Variants in LARP1 observed in about 807,000 individuals in gnomAD.
LARP1 encodes the protein la-related protein 1.
A neutral mutation model predicts 122.7 loss-of-function variants in LARP1; 36 were observed. The observed-to-expected ratio is 0.29, with a 90% CI of 0.22 to 0.39. The LOEUF is 0.39. LARP1 is among the 10% of genes least tolerant of loss of function. LARP1 has a pLI of 1.00. For missense variants in LARP1, 1,040 were observed against 1,403.6 expected (o/e 0.74, Z 4.14); for synonymous variants, 539 against 528.7 (o/e 1.02, Z -0.27).
intron 1 of LARP1, among the ~76,000 whole-genome samples, chr5:154,747,514 C>T (rs1753259139): frequency 6.6e-6 from 1 of 151,638 alleles, no homozygotes; most frequent in Non-Finnish European, 1.5e-5. Flanking sequence ...GGAGACCAGC[C>T]TGACCAACAT....
Position 154,814,893 on chromosome 5 carries a change from A to G in LARP1, c.*797A>G, listed in dbSNP as rs1322877429. 5.9e-5 allele frequency: 9 copies of G among 151,788 alleles called. No individual in the cohort carries two copies. Among genetic ancestry groups the G allele is most frequent in the Non-Finnish European group, 1.2e-4 (8 of 67,948 alleles). 9.4% of individuals were successfully genotyped at this position (151,788 alleles called of 1,614,324 possible). On this transcript the variant is annotated 3_prime_UTR_variant, in exon 19 of 19. Coordinates refer to ENST00000518297, the MANE Select transcript of LARP1 (RefSeq NM_033551.3). ...AAGAAAAAAGACAAAATCGACCATAAAAGACCAAAAAAAAAAAAAAAATCA... is the reference window on the plus strand; with the variant it reads ...AAGAAAAAAGACAAAATCGACCATAGAAGACCAAAAAAAAAAAAAAAATCA...
chr5:154,706,371 G>A (rs1465908179), intron 1 of LARP1, among the ~76,000 whole-genome samples: 3 of 151,274 alleles, frequency 2.0e-5, no homozygotes, highest in African/African-American at 4.9e-5. Flanking sequence ...ATACTACACA[G>A]CCATACAAAA....
upstream of LARP1, among the ~76,000 whole-genome samples, chr5:154,754,247 T>C (rs942700801): frequency 1.3e-5 from 2 of 152,362 alleles, no homozygotes; most frequent in Middle Eastern, 3.4e-3. Flanking sequence ...TCCATGAGGA[T>C]AGGGACTTTG....
At chr5:154,797,964 G>A (rs1443672789) in intron 8 of LARP1, among the ~76,000 whole-genome samples, 3 of 152,190 alleles carry the variant, frequency 2.0e-5, no homozygotes, top group South Asian at 2.1e-4. Context: ...GATTACAGGC[G>A]TGAGCCATTG....
chr5:154,743,811 G>T (rs565564970), intron 1 of LARP1, among the ~76,000 whole-genome samples: 1 of 151,766 alleles, frequency 6.6e-6, no homozygotes, highest in African/African-American at 2.4e-5. Flanking sequence ...ATAGAGATGG[G>T]GTTTCACCAT....
intron 1 of LARP1, among the ~76,000 whole-genome samples, chr5:154,765,248 T>G (rs2113623872): frequency 6.6e-6 from 1 of 152,348 alleles, no homozygotes; most frequent in African/African-American, 2.4e-5. Flanking sequence ...GCTTTGGGTC[T>G]TATGTTCTGT....
rs549156456 is a variant in LARP1, at chr5:154,816,695, C to G, written c.*2599C>G. ...CAGGGGCCATCAGGGCTAACCACTT[C>G]ACACCTACCATCGTCCCATGGGGAT... is the stretch of plus-strand genomic sequence containing the variant. On this transcript the variant is annotated 3_prime_UTR_variant, in exon 19 of 19. Transcript: ENST00000518297. 6.6e-6 allele frequency: 1 copy of G among 152,602 alleles called. No individual in the cohort carries two copies. The highest frequency in any genetic ancestry group is 2.4e-5 in the African/African-American group (1 of 41,466). 9.5% of individuals were successfully genotyped at this position (152,602 alleles called of 1,614,324 possible). A position where few individuals can be genotyped will look rare whatever the true frequency, so the allele number is the denominator to read the frequency against.
chr5:154,714,806 C>T (rs1171726808), intron 1 of LARP1, among the ~76,000 whole-genome samples: 1 of 152,206 alleles, frequency 6.6e-6, no homozygotes, highest in Admixed American at 6.5e-5. Context: ...GAATAGGGAA[C>T]TCAGGCAGGT....
chr5:154,721,664 TCTG>T (rs1237337920), intron 1 of LARP1, among the ~76,000 whole-genome samples: 1 of 152,208 alleles, frequency 6.6e-6, no homozygotes, highest in East Asian at 1.9e-4. Flanking sequence ...ACATCCTAGT[TCTG>T]CTGCTAAGGT....
At chr5:154,754,128 A>G (rs1217997758), upstream of LARP1, among the ~76,000 whole-genome samples, 1 of 152,212 alleles carries the variant, frequency 6.6e-6, no homozygotes, top group African/African-American at 2.4e-5. Context: ...CCCAAACAAA[A>G]GTAGCCCATC....
At chr5:154,787,983 C>T (rs1278992027) in intron 1 of LARP1, among the ~76,000 whole-genome samples, 1 of 152,216 alleles carries the variant, frequency 6.6e-6, no homozygotes, top group Admixed American at 6.5e-5. Flanking sequence ...TTCAGGAATA[C>T]CTTGCCCTCT....
chr5:154,781,182 C>T (rs7731757), intron 1 of LARP1, among the ~76,000 whole-genome samples: 1,941 of 152,266 alleles, frequency 0.013, 45 homozygotes, highest in African/African-American at 0.045. Flanking sequence ...GTCAGGTGTG[C>T]GTGTAGTTGT....
At chr5:154,708,772 C>T (rs1456978052), upstream of LARP1, among the ~76,000 whole-genome samples, 1 of 152,058 alleles carries the variant, frequency 6.6e-6, no homozygotes, top group African/African-American at 2.4e-5. Context: ...CCACCACACC[C>T]AGCTAATTTT....
chr5:154,806,854 G>A (rs942099597), intron 15 of LARP1, among the ~76,000 whole-genome samples: 2 of 152,154 alleles, frequency 1.3e-5, no homozygotes, highest in Admixed American at 1.3e-4. Context: ...AGAATACAAT[G>A]TAATAGCTCT....
At chr5:154,716,334 T>C (rs1755505792) in intron 1 of LARP1, among the ~76,000 whole-genome samples, 1 of 152,174 alleles carries the variant, frequency 6.6e-6, no homozygotes. Context: ...TTGGCCAGGC[T>C]GGTCTCGAAT....
chr5:154,689,435 T>C (rs2113195266), intron 1 of LARP1, among the ~76,000 whole-genome samples: 2 of 149,810 alleles, frequency 1.3e-5, no homozygotes, highest in Non-Finnish European at 3.0e-5. Context: ...CAAACGACAG[T>C]GTGAAACTCT....
At chr5:154,699,368 A>G (rs779852634) in intron 1 of LARP1, among the ~76,000 whole-genome samples, 9 of 152,124 alleles carry the variant, frequency 5.9e-5, no homozygotes, top group Non-Finnish European at 1.2e-4. Flanking sequence ...TGGGCTCTGC[A>G]TTTTAAATAA....
intron 1 of LARP1, among the ~76,000 whole-genome samples, chr5:154,778,893 A>G (rs1756148614): frequency 6.6e-6 from 1 of 152,242 alleles, no homozygotes; most frequent in Non-Finnish European, 1.5e-5. Context: ...TAAATCAAAT[A>G]TTTAGTATAA....
At chr5:154,694,151 T>A (rs1030982528) in intron 1 of LARP1, among the ~76,000 whole-genome samples, 1 of 152,156 alleles carries the variant, frequency 6.6e-6, no homozygotes, top group Non-Finnish European at 1.5e-5. Context: ...AGGTTCTAGA[T>A]TTAAAGAGAC....
Sources: gnomAD v4.1 joint callset for allele counts (sites outside exome capture counted in the v4.1 genomes callset) on GRCh38, gnomAD v4.1.1 for gene constraint, MANE v1.5 for transcripts, NCBI Gene and HGNC (gene_info 2026-07-23, HGNC 2026-07-21) for gene names.